The following FAM171A1 variants were observed in gnomAD, a reference collection of about 807,000 sequenced individuals.
FAM171A1 encodes the protein protein FAM171A1.
A neutral mutation model predicts 74.9 loss-of-function variants in FAM171A1; 23 were observed. That is an observed-to-expected ratio of 0.31 (90% confidence interval 0.22 to 0.44). FAM171A1 has a LOEUF of 0.44. Among genes scored for constraint, FAM171A1 ranks in the 20% least tolerant of loss-of-function variants. FAM171A1 has a pLI of 1.00. For synonymous variants in FAM171A1, 527 were observed against 505.7 expected, an observed-to-expected ratio of 1.04 and a Z score of -0.57; for missense variants, 1,162 against 1,159.2, an observed-to-expected ratio of 1.00 and a Z score of -0.03.
At chr10:15,365,167 C>G (rs1297525517) in intron 1 of FAM171A1, among the ~76,000 whole-genome samples, 1 of 152,126 alleles carries the variant, frequency 6.6e-6, no homozygotes, top group Non-Finnish European at 1.5e-5. Context: ...TCTTCGGGCA[C>G]TAACATTTGC....
intron 1 of FAM171A1, among the ~76,000 whole-genome samples, chr10:15,306,035 C>T (rs7086171): frequency 0.33 from 49,684 of 152,050 alleles, 9,491 homozygotes; most frequent in East Asian, 0.78. Flanking sequence ...CAAGATCATG[C>T]AAAGGAATCG....
intron 1 of FAM171A1, among the ~76,000 whole-genome samples, chr10:15,367,569 T>C (rs1436794752): frequency 6.6e-6 from 1 of 152,200 alleles, no homozygotes; most frequent in East Asian, 1.9e-4. Flanking sequence ...TAAGTTAGGC[T>C]TGTTGGATGA....
chr10:15,268,329 T>C (rs746444470), intron 3 of FAM171A1, among the ~76,000 whole-genome samples: 19 of 152,234 alleles, frequency 1.2e-4, no homozygotes, highest in Non-Finnish European at 2.4e-4. Flanking sequence ...AAAAACCTAC[T>C]GCAGTGCCTG....
In FAM171A1 at chr10:15,216,915, CA is replaced by C. The variant is rs539960382; in HGVS notation, c.872-806del. On this transcript the variant is annotated intron_variant, in intron 6 of 7. Transcript: ENST00000378116. Reference sequence around the variant, plus strand: ...ATTACCGTCTGGAGAGCCCCTAGCCCAAATGAATCAGTTTAAATGTATGACA... The same window carrying C: ...ATTACCGTCTGGAGAGCCCCTAGCCCAATGAATCAGTTTAAATGTATGACA... Among the ~76,000 whole-genome samples, 297 of 151,706 alleles carry C rather than the reference CA, an allele frequency of 2.0e-3. 1 individual carries two copies. Among genetic ancestry groups the C allele is most frequent in the African/African-American group, 7.0e-3 (289 of 41,318 alleles).
At chr10:15,231,799 A>G (rs1431484449) in intron 5 of FAM171A1, among the ~76,000 whole-genome samples, 1 of 152,222 alleles carries the variant, frequency 6.6e-6, no homozygotes, top group Non-Finnish European at 1.5e-5. Context: ...AAATGCCTAC[A>G]GATGGCTGGG....
intron 1 of FAM171A1, among the ~76,000 whole-genome samples, chr10:15,357,363 G>C (rs970194163): frequency 3.9e-5 from 6 of 152,168 alleles, no homozygotes; most frequent in Non-Finnish European, 8.8e-5. Flanking sequence ...AAATAAACCA[G>C]AGTACCAGAG....
rs1023415210 is a variant in FAM171A1 at position 15,275,864 on chromosome 10, C to G, written c.409G>C (p.Gly137Arg). The change falls in exon 3 of 8, where the codon GGA (glycine) becomes CGA (arginine). Residue 137 changes from glycine to arginine, a missense_variant. Gly to Arg is a moderately radical substitution (Grantham distance 125). Coordinates refer to ENST00000378116, the MANE Select transcript of FAM171A1 (RefSeq NM_001010924.2). ...AAAATATTAAATATACCTTGGAATC[C>G]TGATACTATTTGGACGACATCTTCA... is the stretch of plus-strand genomic sequence containing the variant. ...VYEDVVQIVS[G>R]FQGARPQPRV... 8.7e-6 allele frequency: 14 copies of G among 1,605,494 alleles called. No homozygotes were observed. The highest frequency in any genetic ancestry group is 1.2e-5 in the Non-Finnish European group (14 of 1,174,462).
At chr10:15,283,822 C>T (rs1050931292) in intron 2 of FAM171A1, 56 bp downstream of exon 2, 38 of 1,557,360 alleles carry the variant, frequency 2.4e-5, no homozygotes, top group Middle Eastern at 1.7e-4. Context: ...TGGCCTTATG[C>T]GATCCTCCCA....
At chr10:15,340,575 T>C (rs971398333) in intron 1 of FAM171A1, among the ~76,000 whole-genome samples, 3 of 152,158 alleles carry the variant, frequency 2.0e-5, no homozygotes, top group Non-Finnish European at 4.4e-5. Context: ...ATGGATCCCA[T>C]GTGTGACACC....
chr10:15,301,901 T>C (rs1835233989), intron 1 of FAM171A1, among the ~76,000 whole-genome samples: 1 of 152,172 alleles, frequency 6.6e-6, no homozygotes, highest in South Asian at 2.1e-4. Flanking sequence ...CCCAAGGAAC[T>C]ATATGCATTA....
At chr10:15,253,166 G>A (rs1407332977) in intron 4 of FAM171A1, among the ~76,000 whole-genome samples, 1 of 152,026 alleles carries the variant, frequency 6.6e-6, no homozygotes, top group East Asian at 1.9e-4. Flanking sequence ...ACCACACCCA[G>A]CTAATTTTTG....
intron 4 of FAM171A1, 113 bp downstream of exon 4, chr10:15,254,608 A>G (rs1834552190): frequency 2.6e-6 from 3 of 1,176,000 alleles, no homozygotes; most frequent in South Asian, 1.6e-5. Flanking sequence ...CCCCTTCTGC[A>G]CCTTCAGTGC....
At chr10:15,321,076 G>A (rs1288485727) in intron 1 of FAM171A1, among the ~76,000 whole-genome samples, 2 of 152,218 alleles carry the variant, frequency 1.3e-5, no homozygotes, top group Non-Finnish European at 2.9e-5. Context: ...GGGCCTGATT[G>A]AAGAGAGCCA....
intron 5 of FAM171A1, among the ~76,000 whole-genome samples, chr10:15,226,758 A>C (rs1420066295): frequency 6.6e-6 from 1 of 152,102 alleles, no homozygotes; most frequent in Non-Finnish European, 1.5e-5. Context: ...GGGGATTATA[A>C]GTTGTTTGCT....
chr10:15,368,679 T>G (rs1836095742), intron 1 of FAM171A1, among the ~76,000 whole-genome samples: 1 of 152,198 alleles, frequency 6.6e-6, no homozygotes. Context: ...ACCAACTGTA[T>G]GCATAACAAC....
intron 1 of FAM171A1, among the ~76,000 whole-genome samples, chr10:15,366,179 G>A (rs1422120247): frequency 6.6e-6 from 1 of 152,118 alleles, no homozygotes; most frequent in Non-Finnish European, 1.5e-5. Flanking sequence ...GAGTGCAGTG[G>A]TGCGATCTCT....
intron 1 of FAM171A1, among the ~76,000 whole-genome samples, chr10:15,359,107 G>A (rs922662913): frequency 7.2e-5 from 11 of 152,144 alleles, no homozygotes; most frequent in African/African-American, 1.9e-4. Flanking sequence ...AAGAAGCACC[G>A]AGCACATGTT....
chr10:15,292,968 G>C (rs1262660313), intron 1 of FAM171A1, among the ~76,000 whole-genome samples: 1 of 151,846 alleles, frequency 6.6e-6, no homozygotes, highest in Admixed American at 6.6e-5. Context: ...CTAAAACGTC[G>C]ATCCCAGCCT....
At chr10:15,228,782 C>T (rs139139316) in intron 5 of FAM171A1, among the ~76,000 whole-genome samples, 1,934 of 152,246 alleles carry the variant, frequency 0.013, 54 homozygotes, top group African/African-American at 0.043. Context: ...AATGTGATAC[C>T]CAAGTCTGCC....
Sources: allele counts gnomAD v4.1 joint callset (sites outside exome capture counted in the v4.1 genomes callset), GRCh38; gene constraint gnomAD v4.1.1; transcripts MANE v1.5; gene names NCBI Gene and HGNC (gene_info 2026-07-23, HGNC 2026-07-21).